The following PIAS1 variants were observed in gnomAD, a reference collection of about 807,000 sequenced individuals.
PIAS1 encodes the protein protein inhibitor of activated STAT 1.
PIAS1 carries 6 observed loss-of-function variants against 71.3 expected under a neutral mutation model. The ratio of observed to expected loss-of-function variants is 0.08; its 90% CI spans 0.05 to 0.17. The LOEUF (loss-of-function observed/expected upper bound fraction) is 0.17. Among genes scored for constraint, PIAS1 ranks in the 10% least tolerant of loss-of-function variants. The probability of loss-of-function intolerance (pLI) is 1.00; values close to 1 mark genes in which losing one functional copy is unlikely to be tolerated. For missense variants in PIAS1, 555 were observed against 793.6 expected (o/e 0.70, Z 3.61); for synonymous variants, 303 against 292.9 (o/e 1.03, Z -0.35).
intron 2 of PIAS1, among the ~76,000 whole-genome samples, chr15:68,127,962 A>G (rs765061980): frequency 6.6e-6 from 1 of 151,990 alleles, no homozygotes; most frequent in Non-Finnish European, 1.5e-5. Context: ...ATGGGGTTTC[A>G]CCATGTCAGC....
intron 11 of PIAS1, among the ~76,000 whole-genome samples, chr15:68,179,462 G>A (rs1400169906): frequency 6.6e-6 from 1 of 151,286 alleles, no homozygotes; most frequent in Non-Finnish European, 1.5e-5. Flanking sequence ...AGGCAGACGA[G>A]AGTGTGTTTT....
chr15:68,061,382 C>G (rs772047771), intron 1 of PIAS1: 2 of 152,224 alleles, frequency 1.3e-5, no homozygotes, highest in African/African-American at 4.8e-5. Context: ...TTGATTCCCT[C>G]TACTCTTGGT....
chr15:68,065,822 C>T (rs1046102646), intron 1 of PIAS1, among the ~76,000 whole-genome samples: 1 of 139,996 alleles, frequency 7.1e-6, no homozygotes, highest in African/African-American at 2.7e-5. Context: ...CTCACTGCAG[C>T]TTCGAACTCC....
chr15:68,130,590 C>T (rs2092682875), intron 2 of PIAS1, among the ~76,000 whole-genome samples: 2 of 149,540 alleles, frequency 1.3e-5, no homozygotes, highest in Admixed American at 1.3e-4. Flanking sequence ...TAAACAATTT[C>T]TGTATACTAC....
intron 2 of PIAS1, among the ~76,000 whole-genome samples, chr15:68,097,855 G>A (rs2092390002): frequency 6.6e-6 from 1 of 152,214 alleles, no homozygotes; most frequent in Non-Finnish European, 1.5e-5. Context: ...ACCAGTAGCT[G>A]TTGGATTTTG....
chr15:68,075,286 A>C (rs778711992), intron 1 of PIAS1, among the ~76,000 whole-genome samples: 8 of 151,702 alleles, frequency 5.3e-5, no homozygotes, highest in African/African-American at 1.9e-4. Context: ...GAGTTTCACC[A>C]TGCTGGCCAG....
chr15:68,146,499 C>T (rs2092809198), intron 5 of PIAS1, 67 bp from the exon 6 acceptor site: 10 of 1,284,884 alleles, frequency 7.8e-6, no homozygotes, highest in Non-Finnish European at 1.1e-5. Flanking sequence ...GGGGTTTTTT[C>T]TTAAGGAATG....
At chr15:68,088,565 G>T (rs1313730982) in intron 2 of PIAS1, among the ~76,000 whole-genome samples, 2 of 151,986 alleles carry the variant, frequency 1.3e-5, no homozygotes, top group African/African-American at 4.8e-5. Flanking sequence ...TAGATTTTCA[G>T]TATCTCATCG....
intron 2 of PIAS1, among the ~76,000 whole-genome samples, chr15:68,099,593 T>C (rs2092406323): frequency 6.6e-6 from 1 of 152,024 alleles, no homozygotes; most frequent in Admixed American, 6.5e-5. Flanking sequence ...GGTGCTTGTA[T>C]GGACATAAGT....
chr15:68,101,385 A>G (rs1159419105), intron 2 of PIAS1, among the ~76,000 whole-genome samples: 1 of 128,094 alleles, frequency 7.8e-6, no homozygotes, highest in Non-Finnish European at 1.6e-5. Context: ...TAGATTCTAG[A>G]TTCTAGTCCT....
intron 2 of PIAS1, among the ~76,000 whole-genome samples, chr15:68,100,301 G>A (rs561287230): frequency 5.3e-5 from 8 of 152,124 alleles, no homozygotes; most frequent in Non-Finnish European, 1.2e-4. Flanking sequence ...TGTATTTGCA[G>A]TCATGTGTAT....
intron 7 of PIAS1, among the ~76,000 whole-genome samples, chr15:68,154,400 G>A (rs1443792291): frequency 2.6e-5 from 4 of 152,162 alleles, no homozygotes; most frequent in African/African-American, 9.7e-5. Flanking sequence ...GCCGGGGGCT[G>A]CGTGGATTTA....
chr15:68,191,822 C>T lies in PIAS1; in HGVS notation c.*3987C>T, dbSNP rs890110665. The T allele has an allele frequency of 2.0e-5, 3 of 152,122 alleles. No individual in the cohort carries two copies. The highest frequency in any genetic ancestry group is 1.9e-4 in the East Asian group (1 of 5,196). 9.4% of individuals were successfully genotyped at this position (152,122 alleles called of 1,614,324 possible). A position where few individuals can be genotyped will look rare whatever the true frequency, so the allele number is the denominator to read the frequency against. ...CAGGAGTAAGGTAACAGCCCTTCCT[C>T]GGGTAGAGGTTTGAATCAAACACTT... On this transcript the variant is annotated 3_prime_UTR_variant, in exon 14 of 14. Transcript: ENST00000249636.
chr15:68,174,109 C>T lies in PIAS1; in HGVS notation c.1169+217C>T, dbSNP rs2093007516. On this transcript the variant is annotated intron_variant, in intron 9 of 13. Coordinates refer to ENST00000249636, the MANE Select transcript of PIAS1 (RefSeq NM_016166.3). The surrounding 1 kb of genome is among the most constrained non-coding windows in gnomAD (Gnocchi z 4.0). ...CCTTGGTTTGAAAATGCGTGTGTTACTGTCAGTGCCTCCTGGCATTTGTCG... is the reference window on the plus strand; with the variant it reads ...CCTTGGTTTGAAAATGCGTGTGTTATTGTCAGTGCCTCCTGGCATTTGTCG... 6.6e-6 allele frequency among the ~76,000 whole-genome samples: 1 copy of T among 152,186 alleles called. No individual in the cohort carries two copies. Among genetic ancestry groups the T allele is most frequent in the African/African-American group, 2.4e-5 (1 of 41,450 alleles).
Position 68,176,509 on chromosome 15 carries a change from T to A in PIAS1, c.1336T>A (p.Ser446Thr), listed in dbSNP as rs748762098. The A allele has an allele frequency of 7.4e-5, 119 of 1,609,944 alleles. 1 individual carries two copies. Among genetic ancestry groups the A allele is most frequent in the Non-Finnish European group, 9.3e-5 (110 of 1,178,472 alleles). The change falls in exon 11 of 14, where the codon TCT (serine) becomes ACT (threonine). Residue 446 changes from serine to threonine, a missense_variant. Physicochemically the swap from Ser to Thr is moderately conservative, Grantham distance 58. This residue lies in a region of PIAS1 where 244 missense variants were observed against 307.5 expected (regional missense o/e 0.79). Coordinates refer to ENST00000249636, the MANE Select transcript of PIAS1 (RefSeq NM_016166.3). Reference protein sequence around the residue: ...LSSTLEHQVASHHQSSNKNKK... With the variant: ...LSSTLEHQVATHHQSSNKNKK... ...CTCCACATTGGAGCATCAGGTAGCG[T>A]CTCACCACCAGTCCTCAAATAAAAA...
At chr15:68,168,916 C>T (rs138108581) in intron 8 of PIAS1, among the ~76,000 whole-genome samples, 11 of 152,286 alleles carry the variant, frequency 7.2e-5, no homozygotes, top group South Asian at 2.1e-4. Flanking sequence ...TATGAACTGA[C>T]AGCTGGAGAT....
chr15:68,134,720 A>AC (rs1257753993), intron 2 of PIAS1, among the ~76,000 whole-genome samples: 4 of 20,872 alleles, frequency 1.9e-4, no homozygotes, highest in African/African-American at 4.1e-4. Flanking sequence ...GCGGGGGCTG[A>AC]CCCCCCCACC....
At chr15:68,149,013 GC>G (rs1389809901) in intron 6 of PIAS1, among the ~76,000 whole-genome samples, 2 of 152,058 alleles carry the variant, frequency 1.3e-5, no homozygotes, top group Non-Finnish European at 1.5e-5. Context: ...TGGGTGGGGG[GC>G]TAGGCAAATG....
At chr15:68,115,275 A>G (rs1362006920) in intron 2 of PIAS1, among the ~76,000 whole-genome samples, 6 of 152,092 alleles carry the variant, frequency 3.9e-5, no homozygotes, top group Non-Finnish European at 2.9e-5. Context: ...ACTATATGGT[A>G]AGAGTATGTT....
Sources: gnomAD v4.1 joint callset for allele counts (sites outside exome capture counted in the v4.1 genomes callset) on GRCh38, gnomAD v4.1.1 for gene constraint, gnomAD v4.1.1 regional missense constraint, Gnocchi (gnomAD v3.1) non-coding constraint, MANE v1.5 for transcripts, NCBI Gene and HGNC (gene_info 2026-07-23, HGNC 2026-07-21) for gene names.